Variants in AUNIP observed in about 807,000 individuals in gnomAD.
AUNIP encodes aurora kinase A- and ninein-interacting protein.
In AUNIP, 16 loss-of-function variants were observed where a neutral mutation model predicts 12.2. That is an observed-to-expected ratio of 1.31 (90% CI 0.88 to 1.99). AUNIP has a LOEUF of 1.99. Among genes scored for constraint, AUNIP ranks in the 30% most tolerant of loss-of-function variants. The pLI is 0.00. For synonymous variants in AUNIP, 142 were observed against 154.8 expected, an observed-to-expected ratio of 0.92 and a Z score of 0.61; for missense variants, 411 against 419.1, an observed-to-expected ratio of 0.98 and a Z score of 0.17.
chr1:25,857,309 G>C (rs1193228145), intron 1 of AUNIP, among the ~76,000 whole-genome samples: 3 of 145,564 alleles, frequency 2.1e-5, no homozygotes, highest in African/African-American at 2.6e-5. Context: ...GCAGTGGCAC[G>C]ATCTCGGCTC....
downstream of AUNIP, among the ~76,000 whole-genome samples, chr1:25,833,472 G>A (rs1409370669): frequency 2.0e-5 from 3 of 151,976 alleles, no homozygotes; most frequent in Admixed American, 1.3e-4. Flanking sequence ...TGACATACAC[G>A]ATAAAAGTAG....
intron 2 of AUNIP, among the ~76,000 whole-genome samples, chr1:25,836,700 TG>T (rs752415026): frequency 2.0e-5 from 3 of 152,242 alleles, no homozygotes; most frequent in Non-Finnish European, 4.4e-5. Context: ...CACCAGAATT[TG>T]TAAGTGGAAA....
intron 1 of AUNIP, among the ~76,000 whole-genome samples, chr1:25,849,911 A>G (rs1022761007): frequency 1.3e-5 from 2 of 152,260 alleles, no homozygotes; most frequent in Non-Finnish European, 1.5e-5. Context: ...TGCTGGGATT[A>G]CAGGCGTGAG....
intron 1 of AUNIP, among the ~76,000 whole-genome samples, chr1:25,854,644 C>A (rs2048448316): frequency 6.6e-6 from 1 of 152,196 alleles, no homozygotes; most frequent in Admixed American, 6.5e-5. Flanking sequence ...GGTCACCAGT[C>A]TGAAATCCAG....
downstream of AUNIP, chr1:25,832,404 C>CA (rs1553122934): frequency 2.2e-6 from 1 of 444,836 alleles, no homozygotes; most frequent in African/African-American, 4.1e-5. Flanking sequence ...GCCCAGCTGT[C>CA]ACTCACTCAG....
At chr1:25,840,802 T>C (rs562814463) in intron 1 of AUNIP, among the ~76,000 whole-genome samples, 1 of 152,264 alleles carries the variant, frequency 6.6e-6, no homozygotes, top group Non-Finnish European at 1.5e-5. Flanking sequence ...CTAAATTTTA[T>C]AGGAGCCACA....
intron 1 of AUNIP, among the ~76,000 whole-genome samples, chr1:25,844,112 T>C (rs2048366108): frequency 6.6e-6 from 1 of 152,156 alleles, no homozygotes; most frequent in Non-Finnish European, 1.5e-5. Context: ...CATTGTTTTA[T>C]TTATTTATTT....
Position 25,834,316 on chromosome 1 carries a change from T to C in AUNIP, c.*677A>G. 1 of 985,076 alleles carries C rather than the reference T, an allele frequency of 1.0e-6. No homozygotes were observed. Among genetic ancestry groups the C allele is most frequent in the Non-Finnish European group, 1.2e-6 (1 of 829,898 alleles). 61.0% of individuals were successfully genotyped at this position (985,076 alleles called of 1,614,324 possible). On this transcript the variant is annotated 3_prime_UTR_variant, in exon 3 of 3. Transcript: ENST00000374298. ...GATGTGGGTTAAGATCAGCCAGAGA[T>C]TAAAAGCTCACACATCTGGCTGGGC...
In AUNIP at chr1:25,859,291, G is replaced by A; in HGVS notation, c.67C>T (p.Arg23Trp). ...CCCCAGCGTCCCACCTGCACTTTCCGCCTCTTCAGCGCCGCCGCGTCCAGC... is the reference window on the plus strand; with the variant it reads ...CCCCAGCGTCCCACCTGCACTTTCCACCTCTTCAGCGCCGCCGCGTCCAGC... ...VWLDAAALKRRKVQTHLIKPG... is the reference protein window; with the variant it reads ...VWLDAAALKRWKVQTHLIKPG... Residue 23 changes from arginine to tryptophan, a missense_variant, in exon 1 of 3, where the codon CGG (arginine) becomes TGG (tryptophan). Arg to Trp is a moderately radical substitution (Grantham distance 101, BLOSUM62 -3). Coordinates refer to ENST00000374298, the MANE Select transcript of AUNIP (RefSeq NM_024037.3). 1 of 1,576,850 alleles carries A rather than the reference G, an allele frequency of 6.3e-7. No individual in the cohort carries two copies. The highest frequency in any genetic ancestry group is 8.6e-7 in the Non-Finnish European group (1 of 1,163,338).
At chr1:25,850,308 T>C (rs947383058) in intron 1 of AUNIP, among the ~76,000 whole-genome samples, 3 of 152,244 alleles carry the variant, frequency 2.0e-5, no homozygotes, top group African/African-American at 7.2e-5. Flanking sequence ...TCTACCTTTA[T>C]GACAGTATCA....
Position 25,835,599 on chromosome 1 carries a change from G to C in AUNIP, c.468C>G (p.Leu156=). 1 of 1,614,212 alleles carries C rather than the reference G, an allele frequency of 6.2e-7. No homozygotes were observed. Among genetic ancestry groups the C allele is most frequent in the South Asian group, 1.1e-5 (1 of 91,084 alleles). The part of the protein sequence containing the change: ...KTPFSTELSL[L]QPDTPDCAGD... ...CAGCACAGTCTGGAGTATCAGGCTG[G>C]AGCAAAGATAGCTCAGTTGAAAATG... The change falls in exon 3 of 3, where the codon CTC becomes CTG. Residue 156 remains leucine (L), a synonymous_variant. Coordinates refer to ENST00000374298, the MANE Select transcript of AUNIP (RefSeq NM_024037.3).
In AUNIP at chr1:25,847,715, G is replaced by A. The variant is rs1572265286; in HGVS notation, c.79-10161C>T. On this transcript the variant is annotated intron_variant, in intron 1 of 2. Coordinates refer to ENST00000374298, the MANE Select transcript of AUNIP (RefSeq NM_024037.3). The surrounding 1 kb of genome is among the most constrained non-coding windows in gnomAD (Gnocchi z 4.2). The stretch of plus-strand genomic sequence containing the variant: ...TCACACCTGTAATCCCAGCACTTTG[G>A]GAGGCACATCACTTGAGCTCAGGAG... Among the ~76,000 whole-genome samples the A allele has an allele frequency of 6.6e-6, 1 of 152,048 alleles. No homozygotes were observed. Among genetic ancestry groups the A allele is most frequent in the African/African-American group, 2.4e-5 (1 of 41,380 alleles).
intron 1 of AUNIP, among the ~76,000 whole-genome samples, chr1:25,858,377 TA>T (rs1417076858): frequency 6.6e-6 from 1 of 152,164 alleles, no homozygotes; most frequent in Non-Finnish European, 1.5e-5. Flanking sequence ...TTCTTCCCTA[TA>T]AGACTGTGAG....
At chr1:25,848,650 T>C (rs965311063) in intron 1 of AUNIP, among the ~76,000 whole-genome samples, 7 of 152,120 alleles carry the variant, frequency 4.6e-5, no homozygotes, top group Non-Finnish European at 1.0e-4. Flanking sequence ...AACAATGTGA[T>C]TTATGGAGGG....
At chr1:25,857,994 T>C (rs2048476384) in intron 1 of AUNIP, among the ~76,000 whole-genome samples, 1 of 151,586 alleles carries the variant, frequency 6.6e-6, no homozygotes, top group African/African-American at 2.4e-5. Flanking sequence ...GGTGAAAACC[T>C]GTCTCTACTA....
chr1:25,859,175 C>T, intron 1 of AUNIP, 105 bp downstream of exon 1: 2 of 1,220,312 alleles, frequency 1.6e-6, no homozygotes, highest in Non-Finnish European at 2.3e-6. Flanking sequence ...CTTCTCTGTC[C>T]CCGACTTCGC....
chr1:25,850,088 A>G (rs756934769), intron 1 of AUNIP, among the ~76,000 whole-genome samples: 4 of 152,092 alleles, frequency 2.6e-5, no homozygotes, highest in Non-Finnish European at 5.9e-5. Context: ...TCGGGGGTAC[A>G]TACTTAAATG....
rs1388521848 is a variant in AUNIP at position 25,859,386 on chromosome 1, C to T, written c.-29G>A. On this transcript the variant is annotated 5_prime_UTR_variant, in exon 1 of 3. Transcript: ENST00000374298. The stretch of plus-strand genomic sequence containing the variant: ...CGCTGAGGAGACGAAGCCGGCAGGA[C>T]GCCGGCGCAGGCTCCCGGCGCCTCA... The T allele has an allele frequency of 1.3e-6, 2 of 1,485,310 alleles. No individual in the cohort carries two copies. Among genetic ancestry groups the T allele is most frequent in the Admixed American group, 2.6e-5 (1 of 38,618 alleles). 92.0% of individuals were successfully genotyped at this position (1,485,310 alleles called of 1,614,324 possible).
Position 25,837,574 on chromosome 1 carries a change from A to C in AUNIP, c.79-20T>G. On this transcript the variant is annotated intron_variant, in intron 1 of 2. Transcript: ENST00000374298. ...ATGTGTCTGAGAAAGGAGAGAAAAA[A>C]GAATAATGAGCCTATTAATATTAAA... 1 of 1,606,420 alleles carries C rather than the reference A, an allele frequency of 6.2e-7. No homozygotes were observed. The highest frequency in any genetic ancestry group is 2.2e-5 in the East Asian group (1 of 44,842).
Sources: gnomAD v4.1 joint callset for allele counts (sites outside exome capture counted in the v4.1 genomes callset) on GRCh38, gnomAD v4.1.1 for gene constraint, Gnocchi (gnomAD v3.1) non-coding constraint, MANE v1.5 for transcripts, NCBI Gene and HGNC (gene_info 2026-07-23, HGNC 2026-07-21) for gene names.